MGA: variants seen among roughly 807,000 people sequenced by gnomAD.
MGA encodes the protein MAX dimerization protein MGA.
MGA carries 40 observed loss-of-function variants against 261.1 expected under a neutral mutation model. That is an observed-to-expected ratio of 0.15 (90% CI 0.12 to 0.20). The LOEUF (loss-of-function observed/expected upper bound fraction) is 0.20, where lower values mean the gene tolerates loss of function less well. Among genes scored for constraint, MGA ranks in the 10% least tolerant of loss-of-function variants. The pLI, the probability that MGA is intolerant of heterozygous loss-of-function variation, is 1.00. For synonymous variants in MGA, 1,302 were observed against 1,290.6 expected (o/e 1.01, Z -0.19); for missense variants, 3,397 against 3,630.5 (o/e 0.94, Z 1.65).
intron 9 of MGA, among the ~76,000 whole-genome samples, chr15:41,722,821 G>C (rs897084187): frequency 6.6e-6 from 1 of 152,210 alleles, no homozygotes; most frequent in African/African-American, 2.4e-5. Context: ...ACTGCTAGGA[G>C]TGAGGAGGTA....
At chr15:41,653,742 CT>C (rs2057113822) in intron 1 of MGA, among the ~76,000 whole-genome samples, 1 of 151,820 alleles carries the variant, frequency 6.6e-6, no homozygotes, top group African/African-American at 2.4e-5. Context: ...AAAAAAAACC[CT>C]TTTGGTTTAC....
At chr15:41,752,807 G>C (rs1172310651) in intron 17 of MGA, among the ~76,000 whole-genome samples, 3 of 151,964 alleles carry the variant, frequency 2.0e-5, no homozygotes, top group African/African-American at 7.2e-5. Context: ...ATCCACCCAC[G>C]TTGGCCTCCC....
chr15:41,734,807 T>TCATGTTGATAAAG (rs1285966067), intron 12 of MGA, among the ~76,000 whole-genome samples: 1 of 152,048 alleles, frequency 6.6e-6, no homozygotes, highest in Non-Finnish European at 1.5e-5. Context: ...GAAAATTCAT[T>TCATGTTGATAAAG]CATGTTGATA....
At chr15:41,764,807 G>A (rs896756208) in intron 22 of MGA, 79 bp from the exon 23 acceptor site, 5 of 1,429,008 alleles carry the variant, frequency 3.5e-6, no homozygotes, top group Admixed American at 1.9e-5. Flanking sequence ...GCCTCCCAAA[G>A]TGCTGGGATT....
chr15:41,711,464 T>G, intron 8 of MGA, 115 bp downstream of exon 8: 1 of 1,079,310 alleles, frequency 9.3e-7, no homozygotes, highest in South Asian at 1.7e-5. Context: ...TTTTTAGCAT[T>G]TAGAACCTTC....
At position 41,707,710 on chromosome 15, in the gene MGA, T is replaced by G; in HGVS notation, c.2189-18T>G. On this transcript the variant is annotated intron_variant, in intron 5 of 23. Transcript: ENST00000219905. Reference sequence around the variant, plus strand: ...TTCTGATTAATCTATGGAAATATGATTTCCTTTTTTCTTTTAGTGGGCTTA... The same window carrying G: ...TTCTGATTAATCTATGGAAATATGAGTTCCTTTTTTCTTTTAGTGGGCTTA... 1 of 1,586,640 alleles carries G rather than the reference T, an allele frequency of 6.3e-7. No homozygotes were observed. Among genetic ancestry groups the G allele is most frequent in the Non-Finnish European group, 8.6e-7 (1 of 1,167,632 alleles).
At chr15:41,704,288 T>C (rs2151403463) in intron 5 of MGA, among the ~76,000 whole-genome samples, 1 of 151,838 alleles carries the variant, frequency 6.6e-6, no homozygotes, top group Middle Eastern at 3.4e-3. Flanking sequence ...CAGCCCATCC[T>C]CCCAAGTAGC....
rs371557045 is a variant in MGA at position 41,767,056 on chromosome 15, C to T, written c.8974C>T (p.Leu2992=). 1 of 1,614,014 alleles carries T rather than the reference C, an allele frequency of 6.2e-7. No individual in the cohort carries two copies. The highest frequency in any genetic ancestry group is 1.1e-5 in the South Asian group (1 of 91,076). Reference sequence around the variant, plus strand: ...GAGGCCTATGCCAAAGTTGGCCCCTCTAGGTTTAAAAGTAGCTAATCCTTC... The same window carrying T: ...GAGGCCTATGCCAAAGTTGGCCCCTTTAGGTTTAAAAGTAGCTAATCCTTC... The change falls in exon 24 of 24, where the codon CTA becomes TTA. Residue 2992 remains leucine, a synonymous_variant. Transcript: ENST00000219905.
chr15:41,701,671 C>T (rs977512010), intron 5 of MGA, among the ~76,000 whole-genome samples: 1 of 152,112 alleles, frequency 6.6e-6, no homozygotes, highest in Non-Finnish European at 1.5e-5. Flanking sequence ...CAGGTCTGCT[C>T]ATAGTTCAGT....
rs368744636 is a variant in MGA at position 41,711,137 on chromosome 15, A to G, written c.2872A>G (p.Thr958Ala). The G allele has an allele frequency of 8.7e-6, 14 of 1,613,928 alleles. No individual in the cohort carries two copies. The highest frequency in any genetic ancestry group is 1.2e-5 in the Non-Finnish European group (14 of 1,179,908). The stretch of plus-strand genomic sequence containing the variant: ...TCAGGCGAATAACTTTGTTGTGCCA[A>G]CTTTGGATGAAAATATATTTCCAAA... The change falls in exon 8 of 24, where the codon ACT becomes GCT. Residue 958 changes from threonine (T) to alanine (A), a missense_variant. By Grantham distance (58) the Thr-to-Ala change is moderately conservative. Around this residue, in one of 9 missense-constraint regions of MGA, gnomAD observed 519 missense variants for 554.1 expected, o/e 0.94. Transcript: ENST00000219905.
intron 12 of MGA, among the ~76,000 whole-genome samples, chr15:41,735,361 A>G (rs2061714550): frequency 6.6e-6 from 1 of 152,236 alleles, no homozygotes; most frequent in African/African-American, 2.4e-5. Flanking sequence ...CAAACAGTGT[A>G]GAAATGGAGC....
In MGA at chr15:41,736,254, T is replaced by G. The variant is rs1182374892; in HGVS notation, c.3990T>G (p.Gly1330=). The change falls in exon 13 of 24, where the codon GGT becomes GGG. Residue 1330 remains glycine, a synonymous_variant. Coordinates refer to ENST00000219905, the MANE Select transcript of MGA (RefSeq NM_001164273.2). ...CTTATATGCATCAGAGGTCACCTGGTGGTCCCACCAAACTGATTGAGATCA... is the reference window on the plus strand; with the variant it reads ...CTTATATGCATCAGAGGTCACCTGGGGGTCCCACCAAACTGATTGAGATCA... 2 of 1,613,906 alleles carry G rather than the reference T, an allele frequency of 1.2e-6. No homozygotes were observed. Among genetic ancestry groups the G allele is most frequent in the Non-Finnish European group, 1.7e-6 (2 of 1,179,890 alleles).
chr15:41,707,575 GT>G (rs1474609501), intron 5 of MGA, among the ~76,000 whole-genome samples, 152 bp from the exon 6 acceptor site: 1 of 152,116 alleles, frequency 6.6e-6, no homozygotes, highest in Non-Finnish European at 1.5e-5. Context: ...ATCTGCTACA[GT>G]TTGTTTTTTT....
chr15:41,711,220 T>C lies in MGA; in HGVS notation c.2955T>C (p.Pro985=). The change falls in exon 8 of 24, where the codon CCT becomes CCC. Residue 985 remains proline (P), a synonymous_variant. Transcript: ENST00000219905. ...AGCAACAGCAACAGGGAAGTCGCCC[T>C]CCAGGCTTGTCTAAATCTCAGGTGA... is the stretch of plus-strand genomic sequence containing the variant. 6.2e-7 allele frequency: 1 copy of C among 1,614,016 alleles called. No individual in the cohort carries two copies. The highest frequency in any genetic ancestry group is 8.5e-7 in the Non-Finnish European group (1 of 1,179,904).
chr15:41,731,212 A>G (rs1205705660), intron 11 of MGA, among the ~76,000 whole-genome samples: 17 of 152,218 alleles, frequency 1.1e-4, no homozygotes. Context: ...CATTAACATT[A>G]GCATTATTAA....
chr15:41,751,578 A>C (rs1365009367), intron 17 of MGA: 2 of 152,154 alleles, frequency 1.3e-5, no homozygotes, highest in African/African-American at 2.4e-5. Context: ...ACAAAAAATT[A>C]GCCAGGTGTG....
At chr15:41,644,433 A>G (rs1465581556) in intron 1 of MGA, among the ~76,000 whole-genome samples, 1 of 151,316 alleles carries the variant, frequency 6.6e-6, no homozygotes, top group Non-Finnish European at 1.5e-5. Context: ...AGGTTGGAGG[A>G]TCACTTGAGT....
At chr15:41,675,150 T>TA (rs2058308026) in intron 2 of MGA, among the ~76,000 whole-genome samples, 1 of 152,226 alleles carries the variant, frequency 6.6e-6, no homozygotes, top group Admixed American at 6.5e-5. Flanking sequence ...TTCTTTTTGT[T>TA]ACATGTCTAG....
At chr15:41,765,318 A>G (rs1419857178) in intron 23 of MGA, among the ~76,000 whole-genome samples, 2 of 152,210 alleles carry the variant, frequency 1.3e-5, no homozygotes, top group Non-Finnish European at 2.9e-5. Flanking sequence ...AAAAGATATC[A>G]GAGGGAAAGG....
Sources: allele counts gnomAD v4.1 joint callset (sites outside exome capture counted in the v4.1 genomes callset), GRCh38; gene constraint gnomAD v4.1.1; regional missense constraint gnomAD v4.1.1; transcripts MANE v1.5; gene names NCBI Gene and HGNC (gene_info 2026-07-23, HGNC 2026-07-21).